Variants in STXBP4 observed in about 807,000 individuals in gnomAD.
STXBP4 encodes the protein syntaxin binding protein 4.
STXBP4 carries 55 observed loss-of-function variants against 76.1 expected under a neutral mutation model. The ratio of observed to expected loss-of-function variants is 0.72; its 90% CI spans 0.58 to 0.91. STXBP4 has a LOEUF of 0.91. Ranked by LOEUF, STXBP4 falls within the 40% of genes least tolerant of loss-of-function variation. STXBP4 has a pLI of 0.00. For missense variants in STXBP4, 618 were observed against 636.9 expected (o/e 0.97, Z 0.32); for synonymous variants, 201 against 220.2 (o/e 0.91, Z 0.77).
chr17:55,061,895 A>G (rs2078998738), intron 12 of STXBP4, among the ~76,000 whole-genome samples: 1 of 152,086 alleles, frequency 6.6e-6, no homozygotes, highest in Non-Finnish European at 1.5e-5. Context: ...TCAGTTTCCT[A>G]GTTGTGATAG....
chr17:55,097,514 T>A (rs1466483429), intron 16 of STXBP4, among the ~76,000 whole-genome samples: 1 of 151,952 alleles, frequency 6.6e-6, no homozygotes, highest in African/African-American at 2.4e-5. Flanking sequence ...ATATAAAAAA[T>A]TAGCTGGGCG....
chr17:55,000,029 T>G (rs964942130), intron 6 of STXBP4, among the ~76,000 whole-genome samples, 187 bp downstream of exon 6: 2 of 152,234 alleles, frequency 1.3e-5, no homozygotes, highest in Admixed American at 6.5e-5. Flanking sequence ...TAAGTCAGCA[T>G]GTCCTGTGTC....
intron 16 of STXBP4, among the ~76,000 whole-genome samples, chr17:55,098,407 G>A: frequency 6.6e-6 from 1 of 152,150 alleles, no homozygotes; most frequent in East Asian, 1.9e-4. Flanking sequence ...GAATGAAGGA[G>A]GCCTTGCTGA....
At chr17:55,084,003 A>G (rs1183756143) in intron 16 of STXBP4, among the ~76,000 whole-genome samples, 1 of 152,204 alleles carries the variant, frequency 6.6e-6, no homozygotes, top group East Asian at 1.9e-4. Context: ...AATATGTGAT[A>G]CATTACTGGG....
chr17:55,196,831 A>G, the STXBP4 span, among the ~76,000 whole-genome samples: 13,867 of 152,270 alleles, frequency 0.091, 1,374 homozygotes, highest in African/African-American at 0.24. Flanking sequence ...TTGAGGTCTA[A>G]ACCCACAGGT....
intron 8 of STXBP4, among the ~76,000 whole-genome samples, chr17:55,014,308 GTGTTCC>G (rs2078166005): frequency 1.3e-5 from 2 of 152,222 alleles, no homozygotes; most frequent in Admixed American, 1.3e-4. Context: ...CAACAAACGG[GTGTTCC>G]TTCTCCTATG....
intron 17 of STXBP4, 63 bp downstream of exon 17, chr17:55,141,430 T>G: frequency 2.1e-6 from 3 of 1,420,420 alleles, no homozygotes; most frequent in Non-Finnish European, 2.9e-6. Flanking sequence ...ACCTGGAAGT[T>G]GCAGAATAAT....
rs1342301317 is a variant in STXBP4 at position 55,173,124 on chromosome 17, A to G, written c.*13213A>G. On this transcript the variant is annotated 3_prime_UTR_variant, in exon 18 of 18. Coordinates refer to ENST00000376352, the MANE Select transcript of STXBP4 (RefSeq NM_178509.6). ...CCCAGAAAGCTGTGTCAGCAATGAGATTTGTTTCATTGTTTTGCCTTGTTT... is the reference window on the plus strand; with the variant it reads ...CCCAGAAAGCTGTGTCAGCAATGAGGTTTGTTTCATTGTTTTGCCTTGTTT... The G allele has an allele frequency of 1.3e-5, 2 of 152,102 alleles. No individual in the cohort carries two copies. The highest frequency in any genetic ancestry group is 2.9e-5 in the Non-Finnish European group (2 of 68,022). The allele number at this position is 152,102 out of a possible 1,614,324, so 9.4% of individuals were successfully genotyped here.
intron 12 of STXBP4, among the ~76,000 whole-genome samples, chr17:55,055,924 T>G (rs2078918296): frequency 6.6e-6 from 1 of 152,218 alleles, no homozygotes; most frequent in African/African-American, 2.4e-5. Context: ...GACAGCTATC[T>G]TGGATTTGTT....
intron 17 of STXBP4, among the ~76,000 whole-genome samples, chr17:55,158,031 G>A (rs2080300745): frequency 1.3e-5 from 2 of 152,124 alleles, no homozygotes; most frequent in African/African-American, 2.4e-5. Context: ...AAACTTATTT[G>A]ACTGTAGAAT....
intron 17 of STXBP4, among the ~76,000 whole-genome samples, chr17:55,153,748 A>G (rs2080242114): frequency 6.6e-6 from 1 of 152,144 alleles, no homozygotes; most frequent in African/African-American, 2.4e-5. Context: ...ATGCACTTCT[A>G]CTCGCAGGGG....
chr17:55,109,975 T>C (rs184145231), intron 16 of STXBP4, among the ~76,000 whole-genome samples: 1 of 152,296 alleles, frequency 6.6e-6, no homozygotes, highest in Non-Finnish European at 1.5e-5. Flanking sequence ...TATTATCTTA[T>C]AGTTCTAGAA....
chr17:55,087,736 T>G (rs1374768428), intron 16 of STXBP4, among the ~76,000 whole-genome samples: 1 of 152,174 alleles, frequency 6.6e-6, no homozygotes, highest in African/African-American at 2.4e-5. Context: ...TCTCTTGTGG[T>G]TCCATTAAAA....
chr17:55,055,217 AT>A (rs1446528580), intron 12 of STXBP4, among the ~76,000 whole-genome samples: 1 of 152,166 alleles, frequency 6.6e-6, no homozygotes, highest in Non-Finnish European at 1.5e-5. Flanking sequence ...AGGAAATGAC[AT>A]TTGGGTGGGT....
At chr17:55,084,558 T>C (rs936561153) in intron 16 of STXBP4, among the ~76,000 whole-genome samples, 10 of 151,322 alleles carry the variant, frequency 6.6e-5, no homozygotes, top group African/African-American at 2.4e-4. Context: ...TCCTTGCCCA[T>C]GCCTATGTCC....
intron 7 of STXBP4, among the ~76,000 whole-genome samples, chr17:55,007,117 C>G (rs892746874): frequency 6.6e-6 from 1 of 152,034 alleles, no homozygotes; most frequent in African/African-American, 2.4e-5. Flanking sequence ...GCAGGCAGAT[C>G]ACCTGAGGTC....
intron 12 of STXBP4, among the ~76,000 whole-genome samples, chr17:55,067,716 C>T (rs1170391896): frequency 6.6e-6 from 1 of 152,042 alleles, no homozygotes; most frequent in East Asian, 1.9e-4. Context: ...ATAAAGAACA[C>T]AGTAGGCAGG....
chr17:55,193,654 A>G, the STXBP4 span, among the ~76,000 whole-genome samples: 2 of 151,940 alleles, frequency 1.3e-5, no homozygotes. Context: ...GAAAAACAAA[A>G]CAAAACAAAA....
At position 55,021,637 on chromosome 17, in the gene STXBP4, C is replaced by G. The variant is rs188139336; in HGVS notation, c.667-9531C>G. Among the ~76,000 whole-genome samples, 6 of 152,090 alleles carry G rather than the reference C, an allele frequency of 3.9e-5. No individual in the cohort carries two copies. The East Asian group carries it at 1.2e-3, about 29-fold the overall frequency. The stretch of plus-strand genomic sequence containing the variant: ...TTTGGTATCACTCCCTCTCCTAAGC[C>G]GACCCAAGCATTTAAGGTGTTTGTG... On this transcript the variant is annotated intron_variant, in intron 8 of 17. Transcript: ENST00000376352.
Sources: gnomAD v4.1 joint callset for allele counts (sites outside exome capture counted in the v4.1 genomes callset) on GRCh38, gnomAD v4.1.1 for gene constraint, MANE v1.5 for transcripts, NCBI Gene and HGNC (gene_info 2026-07-23, HGNC 2026-07-21) for gene names.